The following UBE2E2 variants were observed in gnomAD, a reference collection of about 807,000 sequenced individuals.
The protein encoded by UBE2E2 is ubiquitin-conjugating enzyme E2 E2.
In UBE2E2, 6 loss-of-function variants were observed where a neutral mutation model predicts 24.7. The observed-to-expected ratio is 0.24, with a 90% CI of 0.13 to 0.48. UBE2E2 has a LOEUF of 0.48. Ranked by LOEUF, UBE2E2 falls within the 20% of genes least tolerant of loss-of-function variation. The pLI, the probability that UBE2E2 is intolerant of heterozygous loss-of-function variation, is 0.99. For synonymous variants in UBE2E2, 104 were observed against 83.6 expected, an observed-to-expected ratio of 1.24 and a Z score of -1.33; for missense variants, 169 against 245.0, an observed-to-expected ratio of 0.69 and a Z score of 2.07.
chr3:23,520,226 G>A (rs760556195), intron 4 of UBE2E2, among the ~76,000 whole-genome samples: 1 of 151,776 alleles, frequency 6.6e-6, no homozygotes, highest in Non-Finnish European at 1.5e-5. Context: ...ACTTTACTGT[G>A]AGGATTTGAA....
chr3:23,380,974 A>G (rs114710819), intron 3 of UBE2E2, among the ~76,000 whole-genome samples: 132 of 152,304 alleles, frequency 8.7e-4, no homozygotes, highest in African/African-American at 2.9e-3. Context: ...TTTCATCTTC[A>G]GTAGTCTTGT....
rs895635228 is a variant in UBE2E2, at chr3:23,589,200, G to C, written c.509-534G>C. Among the ~76,000 whole-genome samples, 2 of 151,864 alleles carry C rather than the reference G, an allele frequency of 1.3e-5. No homozygotes were observed. Among genetic ancestry groups the C allele is most frequent in the Non-Finnish European group, 1.5e-5 (1 of 67,970 alleles). ...GGAGGCTGAGGCAGGAGGATAACTT[G>C]AGCCCAGGAGTTTGAGACTATCCTG... On this transcript the variant is annotated intron_variant, in intron 5 of 5. Coordinates refer to ENST00000396703, the MANE Select transcript of UBE2E2 (RefSeq NM_152653.4). The surrounding 1 kb of genome is among the most constrained non-coding windows in gnomAD (Gnocchi z 4.1).
intron 3 of UBE2E2, among the ~76,000 whole-genome samples, chr3:23,364,573 G>A (rs1402555514): frequency 6.6e-6 from 1 of 152,088 alleles, no homozygotes; most frequent in Admixed American, 6.6e-5. Context: ...GATTGAACCA[G>A]GAAGAAGTTG....
intron 3 of UBE2E2, among the ~76,000 whole-genome samples, chr3:23,225,931 G>C (rs1243575320): frequency 6.6e-6 from 1 of 151,858 alleles, no homozygotes; most frequent in African/African-American, 2.4e-5. Context: ...CCAGACTGGA[G>C]TGCAGTGGCA....
At chr3:23,408,534 G>A (rs1421334232) in intron 3 of UBE2E2, among the ~76,000 whole-genome samples, 1 of 152,178 alleles carries the variant, frequency 6.6e-6, no homozygotes, top group Non-Finnish European at 1.5e-5. Flanking sequence ...CTTTACATCT[G>A]TTAAAGTATA....
At chr3:23,445,662 G>C (rs180932191) in intron 3 of UBE2E2, among the ~76,000 whole-genome samples, 79 of 152,300 alleles carry the variant, frequency 5.2e-4, no homozygotes, top group African/African-American at 1.8e-3. Context: ...TTAGTGATGT[G>C]GGAGTCTGAG....
chr3:23,428,928 T>TAAAAAAAAAAA (rs34525850), intron 3 of UBE2E2, among the ~76,000 whole-genome samples: 3 of 75,880 alleles, frequency 4.0e-5, no homozygotes, highest in Non-Finnish European at 7.3e-5. Flanking sequence ...CTCTGTCTCT[T>TAAAAAAAAAAA]AAAAAAAAAA....
At chr3:23,425,862 A>G (rs757074089) in intron 3 of UBE2E2, among the ~76,000 whole-genome samples, 9 of 152,128 alleles carry the variant, frequency 5.9e-5, no homozygotes, top group Non-Finnish European at 1.2e-4. Context: ...TTACAAGTGT[A>G]CTAGAAGGCA....
rs1695827710 is a variant in UBE2E2, at chr3:23,557,868, G to A, written c.508+25167G>A. Among the ~76,000 whole-genome samples the A allele has an allele frequency of 3.9e-5, 6 of 152,138 alleles. No individual in the cohort carries two copies. The South Asian group carries it at 1.2e-3, about 32-fold the overall frequency. On this transcript the variant is annotated intron_variant, in intron 5 of 5. Coordinates refer to ENST00000396703, the MANE Select transcript of UBE2E2 (RefSeq NM_152653.4). Reference sequence around the variant, plus strand: ...TTAATATCCTCTTGTCCACAAACCAGGCTTACATAGTCTTCCTTGGAGTTT... The same window carrying A: ...TTAATATCCTCTTGTCCACAAACCAAGCTTACATAGTCTTCCTTGGAGTTT...
At chr3:23,237,026 G>A (rs922202767) in intron 3 of UBE2E2, among the ~76,000 whole-genome samples, 1 of 152,108 alleles carries the variant, frequency 6.6e-6, no homozygotes, top group African/African-American at 2.4e-5. Context: ...ATTACACGGT[G>A]GTTTCTTTTG....
At chr3:23,447,430 GAGTTAGTTGT>G (rs1229519790) in intron 3 of UBE2E2, among the ~76,000 whole-genome samples, 2 of 152,176 alleles carry the variant, frequency 1.3e-5, no homozygotes, top group Non-Finnish European at 2.9e-5. Flanking sequence ...TAGTTATTGT[GAGTTAGTTGT>G]AGTTATGCAT....
At chr3:23,523,539 T>C (rs899375193) in intron 4 of UBE2E2, among the ~76,000 whole-genome samples, 2 of 151,716 alleles carry the variant, frequency 1.3e-5, no homozygotes, top group Non-Finnish European at 2.9e-5. Context: ...TCTTTATGCA[T>C]TATGGTTTTC....
intron 3 of UBE2E2, among the ~76,000 whole-genome samples, chr3:23,218,677 C>T (rs1696546331): frequency 6.6e-6 from 1 of 151,982 alleles, no homozygotes; most frequent in Admixed American, 6.6e-5. Context: ...CAACCCCAAT[C>T]ACCGGCAAAA....
chr3:23,316,335 TC>T (rs1438257404), intron 3 of UBE2E2, among the ~76,000 whole-genome samples: 1 of 151,836 alleles, frequency 6.6e-6, no homozygotes, highest in Non-Finnish European at 1.5e-5. Flanking sequence ...CAAGACAAAG[TC>T]CTTCCCACTC....
At chr3:23,259,740 G>A (rs1228296948) in intron 3 of UBE2E2, among the ~76,000 whole-genome samples, 1 of 152,136 alleles carries the variant, frequency 6.6e-6, no homozygotes, top group Non-Finnish European at 1.5e-5. Context: ...AGAGGTTGAT[G>A]GGGCCCTAAC....
At chr3:23,422,427 G>A (rs1553610253) in intron 3 of UBE2E2, among the ~76,000 whole-genome samples, 1 of 152,188 alleles carries the variant, frequency 6.6e-6, no homozygotes, top group South Asian at 2.1e-4. Flanking sequence ...CACCAGTCCA[G>A]TGTTGCCAGG....
At chr3:23,208,901 A>G in intron 2 of UBE2E2, 26 bp downstream of exon 2, 1 of 1,569,114 alleles carries the variant, frequency 6.4e-7, no homozygotes, top group Non-Finnish European at 8.7e-7. Flanking sequence ...TAACCTTTTT[A>G]TTGTTGGTAT....
intron 5 of UBE2E2, among the ~76,000 whole-genome samples, chr3:23,553,738 G>T (rs142226536): frequency 6.6e-6 from 1 of 152,010 alleles, no homozygotes; most frequent in Non-Finnish European, 1.5e-5. Context: ...AAAGTCCATG[G>T]CATTTCTGTA....
At chr3:23,529,423 A>C (rs1255086786) in intron 4 of UBE2E2, among the ~76,000 whole-genome samples, 1 of 78,396 alleles carries the variant, frequency 1.3e-5, no homozygotes, top group Non-Finnish European at 2.5e-5. Context: ...ATTTCTTACA[A>C]CTGTACATGA....
Sources: allele counts gnomAD v4.1 joint callset (sites outside exome capture counted in the v4.1 genomes callset), GRCh38; gene constraint gnomAD v4.1.1; non-coding constraint Gnocchi (gnomAD v3.1); transcripts MANE v1.5; gene names NCBI Gene and HGNC (gene_info 2026-07-23, HGNC 2026-07-21).